IGF2BP3: variants seen among roughly 807,000 people sequenced by gnomAD.
IGF2BP3 encodes insulin like growth factor 2 mRNA binding protein 3.
IGF2BP3 carries 9 observed loss-of-function variants against 73.8 expected under a neutral mutation model. The ratio of observed to expected loss-of-function variants is 0.12; its 90% CI spans 0.07 to 0.21. The LOEUF is 0.21. Ranked by LOEUF, IGF2BP3 falls within the 10% of genes least tolerant of loss-of-function variation. IGF2BP3 has a pLI of 1.00. For missense variants in IGF2BP3, 542 were observed against 714.0 expected (o/e 0.76, Z 2.75); for synonymous variants, 258 against 256.7 (o/e 1.01, Z -0.05).
chr7:23,439,801 G>A (rs1787890107), intron 2 of IGF2BP3, among the ~76,000 whole-genome samples: 1 of 152,104 alleles, frequency 6.6e-6, no homozygotes, highest in African/African-American at 2.4e-5. Flanking sequence ...AGGTGGGTGG[G>A]AGCACCAAGC....
At chr7:23,424,358 C>T (rs985498395) in intron 2 of IGF2BP3, among the ~76,000 whole-genome samples, 42 of 151,756 alleles carry the variant, frequency 2.8e-4, no homozygotes, top group African/African-American at 9.9e-4. Context: ...ATTAGCTGGG[C>T]GTAGTGGCAG....
rs397942338 is a variant in IGF2BP3 at position 23,366,988 on chromosome 7, C to CTT, written c.286-5249_286-5248dup. Among the ~76,000 whole-genome samples the CTT allele has an allele frequency of 3.0e-3, 351 of 116,130 alleles. 3 individuals are homozygous for CTT. Among genetic ancestry groups the CTT allele is most frequent in the Middle Eastern group, 8.5e-3 (2 of 236 alleles). 76.2% of individuals were successfully genotyped at this position (116,130 alleles called of 152,430 possible). A position where few individuals can be genotyped will look rare whatever the true frequency, so the allele number is the denominator to read the frequency against. On this transcript the variant is annotated intron_variant, in intron 3 of 14. Transcript: ENST00000258729. ...ACACTTGGTAAGTTCTCACATTTTG[C>CTT]TTTTTTTTTTTTTTTTTTTTTAAAG...
At chr7:23,375,365 C>T (rs1785685531) in intron 3 of IGF2BP3, among the ~76,000 whole-genome samples, 2 of 152,040 alleles carry the variant, frequency 1.3e-5, no homozygotes, top group Admixed American at 6.6e-5. Context: ...TTCATTCCAC[C>T]CCCTTCAGGC....
At chr7:23,457,310 C>G (rs983007035) in intron 2 of IGF2BP3, among the ~76,000 whole-genome samples, 7 of 151,834 alleles carry the variant, frequency 4.6e-5, no homozygotes, top group African/African-American at 1.7e-4. Flanking sequence ...CCAAAAAATA[C>G]AAAAATTAGC....
chr7:23,456,540 T>C (rs188689811), intron 2 of IGF2BP3, among the ~76,000 whole-genome samples: 82 of 152,360 alleles, frequency 5.4e-4, no homozygotes, highest in African/African-American at 1.8e-3. Context: ...ACTTCAGCTT[T>C]ACAGCTTTTT....
intron 3 of IGF2BP3, among the ~76,000 whole-genome samples, chr7:23,381,660 C>G (rs1785912961): frequency 2.0e-5 from 3 of 152,042 alleles, no homozygotes; most frequent in Admixed American, 1.3e-4. Flanking sequence ...CCTCCACCTC[C>G]CAGGTTCAAG....
intron 12 of IGF2BP3, 92 bp from the exon 13 acceptor site, chr7:23,313,745 A>G: frequency 1.7e-6 from 2 of 1,161,452 alleles, no homozygotes; most frequent in Non-Finnish European, 2.5e-6. Flanking sequence ...CAAGTGGGAT[A>G]GCCCTTTGCA....
At chr7:23,367,451 A>G (rs1445217190) in intron 3 of IGF2BP3, among the ~76,000 whole-genome samples, 1 of 152,032 alleles carries the variant, frequency 6.6e-6, no homozygotes, top group Non-Finnish European at 1.5e-5. Flanking sequence ...AAGGCCAAAA[A>G]AAAAACCACG....
At chr7:23,409,078 C>T (rs1348981986) in intron 3 of IGF2BP3, among the ~76,000 whole-genome samples, 1 of 152,128 alleles carries the variant, frequency 6.6e-6, no homozygotes, top group East Asian at 1.9e-4. Flanking sequence ...GTGCAGTTCA[C>T]AATAGGGTAT....
chr7:23,441,574 T>TAAAAAAAAAA (rs769391858), intron 2 of IGF2BP3, among the ~76,000 whole-genome samples: 16 of 56,954 alleles, frequency 2.8e-4, no homozygotes, highest in Non-Finnish European at 4.5e-4. Context: ...CTCCATCTCT[T>TAAAAAAAAAA]AAAAAAAAAA....
intron 3 of IGF2BP3, among the ~76,000 whole-genome samples, chr7:23,379,549 T>C (rs1344594138): frequency 1.3e-5 from 2 of 152,180 alleles, no homozygotes; most frequent in Non-Finnish European, 2.9e-5. Context: ...CAGGGGTCCA[T>C]TAATAATCAA....
chr7:23,464,044 A>C (rs1268300755), intron 2 of IGF2BP3, among the ~76,000 whole-genome samples: 1 of 152,218 alleles, frequency 6.6e-6, no homozygotes, highest in Non-Finnish European at 1.5e-5. Context: ...AGGAAGGAGT[A>C]CCACTGCTAT....
At chr7:23,361,479 G>A in intron 5 of IGF2BP3, 55 bp downstream of exon 5, 1 of 1,441,514 alleles carries the variant, frequency 6.9e-7, no homozygotes, top group Admixed American at 1.8e-5. Flanking sequence ...CGCAAAATAT[G>A]TTACTGTACT....
intron 3 of IGF2BP3, among the ~76,000 whole-genome samples, chr7:23,372,257 T>A (rs1234991387): frequency 6.6e-6 from 1 of 152,078 alleles, no homozygotes; most frequent in Non-Finnish European, 1.5e-5. Flanking sequence ...GTATTTTTAG[T>A]AGAGATGGGG....
intron 3 of IGF2BP3, among the ~76,000 whole-genome samples, chr7:23,378,721 A>G (rs1035192367): frequency 6.6e-6 from 1 of 151,490 alleles, no homozygotes; most frequent in African/African-American, 2.4e-5. Context: ...CTACAGGTGC[A>G]CGCCACCATG....
At chr7:23,414,253 T>C (rs1216779575) in intron 3 of IGF2BP3, 1 of 152,182 alleles carries the variant, frequency 6.6e-6, no homozygotes, top group Non-Finnish European at 1.5e-5. Flanking sequence ...TAAAACTAAG[T>C]GGTTAGAAAC....
chr7:23,345,429 G>A (rs1169130937), intron 8 of IGF2BP3, among the ~76,000 whole-genome samples: 1 of 152,190 alleles, frequency 6.6e-6, no homozygotes, highest in East Asian at 1.9e-4. Context: ...CATGTCTTGA[G>A]AACACTCAAG....
At chr7:23,382,392 GT>G (rs576688715) in intron 3 of IGF2BP3, among the ~76,000 whole-genome samples, 81 of 147,390 alleles carry the variant, frequency 5.5e-4, no homozygotes, top group Middle Eastern at 3.5e-3. Flanking sequence ...ATCTTACCAG[GT>G]TTTTTTTTTT....
intron 2 of IGF2BP3, among the ~76,000 whole-genome samples, chr7:23,456,355 G>C (rs1788317728): frequency 6.6e-6 from 1 of 152,126 alleles, no homozygotes; most frequent in Admixed American, 6.6e-5. Flanking sequence ...ACCAAAAGCT[G>C]AGTAGCACCT....
Sources: gnomAD v4.1 joint callset for allele counts (sites outside exome capture counted in the v4.1 genomes callset) on GRCh38, gnomAD v4.1.1 for gene constraint, MANE v1.5 for transcripts, NCBI Gene and HGNC (gene_info 2026-07-23, HGNC 2026-07-21) for gene names.